SNRPN: variants seen among roughly 807,000 people sequenced by gnomAD.
The protein encoded by SNRPN is small nuclear ribonucleoprotein polypeptide N.
SNRPN carries 7 observed loss-of-function variants against 25.2 expected under a neutral mutation model. The ratio of observed to expected loss-of-function variants is 0.28; its 90% CI spans 0.16 to 0.52. SNRPN has a LOEUF of 0.52. Among genes scored for constraint, SNRPN ranks in the 20% least tolerant of loss-of-function variants. SNRPN has a pLI of 0.96. For synonymous variants in SNRPN, 124 were observed against 110.6 expected, an observed-to-expected ratio of 1.12 and a Z score of -0.76; for missense variants, 196 against 322.5, an observed-to-expected ratio of 0.61 and a Z score of 3.00.
intron 1 of SNRPN, among the ~76,000 whole-genome samples, chr15:24,863,528 T>C (rs2054214782): frequency 6.6e-6 from 1 of 150,674 alleles, no homozygotes; most frequent in Non-Finnish European, 1.5e-5. Context: ...AATTTCTCAT[T>C]GTTCTGAGAC....
intron 2 of SNRPN, among the ~76,000 whole-genome samples, chr15:24,966,835 T>C (rs1757734816): frequency 6.6e-6 from 1 of 152,138 alleles, no homozygotes; most frequent in Admixed American, 6.5e-5. Context: ...TTGTTGGTGA[T>C]CCCCCAGCTC....
chr15:24,892,122 G>C (rs2057728098), intron 2 of SNRPN, among the ~76,000 whole-genome samples: 1 of 152,174 alleles, frequency 6.6e-6, no homozygotes, highest in South Asian at 2.1e-4. Flanking sequence ...TCACTGCAAA[G>C]ACATCTAACA....
chr15:24,922,137 T>A (rs1595918587), intron 3 of SNRPN, among the ~76,000 whole-genome samples: 1 of 151,574 alleles, frequency 6.6e-6, no homozygotes, highest in South Asian at 2.1e-4. Context: ...CGCTTGAACC[T>A]GGGAGGCGGA....
intron 1 of SNRPN, among the ~76,000 whole-genome samples, chr15:24,881,349 CT>C (rs2056573292): frequency 6.9e-6 from 1 of 144,114 alleles, no homozygotes; most frequent in African/African-American, 2.7e-5. Context: ...ATGGTGAAAC[CT>C]TGTCTCTACT....
chr15:24,930,386 CTA>C (rs932854274), intron 3 of SNRPN, among the ~76,000 whole-genome samples: 9 of 151,368 alleles, frequency 5.9e-5, no homozygotes, highest in African/African-American at 2.2e-4. Context: ...TTTATTTTGC[CTA>C]TGTCCTTAAA....
intron 4 of SNRPN, chr15:24,975,101 G>A (rs1476059741): frequency 3.1e-6 from 2 of 637,768 alleles, no homozygotes; most frequent in Non-Finnish European, 5.6e-6. Context: ...TTTAGAGCAT[G>A]CATCGTCACA....
rs1309187895 is a variant in SNRPN at position 24,967,955 on chromosome 15, C to T, written c.-271C>T. 1.2e-6 allele frequency: 2 copies of T among 1,613,896 alleles called. No individual in the cohort carries two copies. Among genetic ancestry groups the T allele is most frequent in the Non-Finnish European group, 1.7e-6 (2 of 1,179,984 alleles). ...AGGTGTCAGTTGTACCCGAGGCGTT[C>T]TCAGCAGCAGCAAGTACCTGTGGTG... On this transcript the variant is annotated 5_prime_UTR_variant, in exon 3 of 10. Coordinates refer to ENST00000390687, the MANE Select transcript of SNRPN (RefSeq NM_003097.6).
At chr15:24,888,227 G>A (rs187585695) in intron 2 of SNRPN, among the ~76,000 whole-genome samples, 146 of 151,164 alleles carry the variant, frequency 9.7e-4, no homozygotes, top group African/African-American at 3.3e-3. Flanking sequence ...TCCTGCCTCA[G>A]CCTCCCAAAT....
At chr15:24,890,918 T>A (rs912119937) in intron 2 of SNRPN, among the ~76,000 whole-genome samples, 2 of 152,244 alleles carry the variant, frequency 1.3e-5, no homozygotes, top group African/African-American at 4.8e-5. Flanking sequence ...TTATTATTAT[T>A]TTTTATTTTT....
At chr15:24,870,452 G>A (rs2054987163) in intron 1 of SNRPN, among the ~76,000 whole-genome samples, 1 of 152,080 alleles carries the variant, frequency 6.6e-6, no homozygotes, top group African/African-American at 2.4e-5. Context: ...AGCACTACAT[G>A]AATATAATAT....
At chr15:24,881,606 AGAGAGAGAGAGAG>A (rs1198981064) in intron 1 of SNRPN, among the ~76,000 whole-genome samples, 1,586 of 82,204 alleles carry the variant, frequency 0.019, 41 homozygotes, top group African/African-American at 0.045. Flanking sequence ...AGAGAGAGAG[AGAGAGAGAGAGAG>A]AAAGTCACAG....
chr15:24,914,093 G>A lies in SNRPN; in HGVS notation c.-504-5918G>A, dbSNP rs986340882. Among the ~76,000 whole-genome samples the A allele has an allele frequency of 2.0e-4, 30 of 152,170 alleles. 1 individual carries two copies. The highest frequency in any genetic ancestry group is 1.5e-3 in the Admixed American group (23 of 15,260). On this transcript the variant is annotated intron_variant, in intron 2 of 11. Transcript: ENST00000400097. ...TCTCCCTGGTAAAAGCGTGAGTGTG[G>A]AGAGTGGGGAGGGAGAGGGTACCTT...
intron 8 of SNRPN, 112 bp from the exon 9 acceptor site, chr15:24,978,081 A>T (rs909492262): frequency 3.2e-6 from 4 of 1,254,222 alleles, no homozygotes; most frequent in Admixed American, 2.1e-5. Flanking sequence ...TATAGAAGTT[A>T]TTTGACTCTA....
chr15:24,862,342 C>T (rs1165654893), intron 1 of SNRPN, among the ~76,000 whole-genome samples: 1 of 150,774 alleles, frequency 6.6e-6, no homozygotes, highest in African/African-American at 2.5e-5. Context: ...GAGAGGGGCT[C>T]TGCAGTGGAT....
At chr15:24,939,722 T>C (rs1188905758) in intron 3 of SNRPN, among the ~76,000 whole-genome samples, 1 of 150,996 alleles carries the variant, frequency 6.6e-6, no homozygotes, top group African/African-American at 2.4e-5. Flanking sequence ...CGTGAGCCGC[T>C]GCACCTGGCT....
intron 2 of SNRPN, among the ~76,000 whole-genome samples, chr15:24,834,840 C>G (rs1380514842): frequency 7.3e-6 from 1 of 136,238 alleles, no homozygotes; most frequent in Non-Finnish European, 1.6e-5. Context: ...GCAGGAGAAT[C>G]GCTTGAATCT....
chr15:24,846,300 A>T lies in SNRPN; in HGVS notation c.-579+16395A>T, dbSNP rs141522830. Among the ~76,000 whole-genome samples the T allele has an allele frequency of 5.3e-3, 812 of 152,244 alleles. 8 individuals carry two copies. The highest frequency in any genetic ancestry group is 0.019 in the African/African-American group (792 of 41,544). On this transcript the variant is annotated intron_variant, in intron 2 of 12. Transcript: ENST00000400100. ...TTTTAACTTCTATAGTCAATTTTTCATTATCAGTATAAAGGAAGTCAACCG... is the reference window on the plus strand; with the variant it reads ...TTTTAACTTCTATAGTCAATTTTTCTTTATCAGTATAAAGGAAGTCAACCG...
chr15:24,913,287 A>G (rs946752052), intron 2 of SNRPN, among the ~76,000 whole-genome samples: 1 of 152,158 alleles, frequency 6.6e-6, no homozygotes, highest in Non-Finnish European at 1.5e-5. Flanking sequence ...GATACTCAGG[A>G]AAACAGAGCC....
intron 1 of SNRPN, among the ~76,000 whole-genome samples, chr15:24,874,747 G>A (rs1428870981): frequency 6.6e-6 from 1 of 152,072 alleles, no homozygotes; most frequent in Non-Finnish European, 1.5e-5. Context: ...ATAAATAGGA[G>A]AGTAGGACTC....
Sources: gnomAD v4.1 joint callset for allele counts (sites outside exome capture counted in the v4.1 genomes callset) on GRCh38, gnomAD v4.1.1 for gene constraint, MANE v1.5 for transcripts, NCBI Gene and HGNC (gene_info 2026-07-23, HGNC 2026-07-21) for gene names.